PAX2: variants seen among roughly 807,000 people sequenced by gnomAD.
PAX2 encodes paired box 2, also known as paired box protein Pax-2.
PAX2 carries 9 observed loss-of-function variants against 41.7 expected under a neutral mutation model. The ratio of observed to expected loss-of-function variants is 0.22; its 90% confidence interval spans 0.13 to 0.38. The LOEUF (loss-of-function observed/expected upper bound fraction) is 0.38. Among genes scored for constraint, PAX2 ranks in the 10% least tolerant of loss-of-function variants. The pLI is 1.00. For synonymous variants in PAX2, 221 were observed against 212.7 expected, an observed-to-expected ratio of 1.04 and a Z score of -0.34; for missense variants, 418 against 531.6, an observed-to-expected ratio of 0.79 and a Z score of 2.10.
intron 1 of PAX2, among the ~76,000 whole-genome samples, chr10:100,737,151 G>C (rs1053764734): frequency 2.0e-5 from 3 of 151,988 alleles, no homozygotes; most frequent in African/African-American, 7.3e-5. Context: ...TTTTCCCTCC[G>C]GGCAGGCGCT....
intron 3 of PAX2, among the ~76,000 whole-genome samples, chr10:100,756,644 C>T (rs1339893760): frequency 6.6e-6 from 1 of 152,234 alleles, no homozygotes; most frequent in Admixed American, 6.5e-5. Flanking sequence ...GCATTTTCAG[C>T]TTACAATATT....
At chr10:100,736,208 TA>T (rs1844773261) in intron 1 of PAX2, among the ~76,000 whole-genome samples, 1 of 152,164 alleles carries the variant, frequency 6.6e-6, no homozygotes, top group Non-Finnish European at 1.5e-5. Flanking sequence ...TAGATGAGCC[TA>T]ACCTCTGTAG....
At chr10:100,817,109 C>A (rs1224436214) in intron 7 of PAX2, among the ~76,000 whole-genome samples, 1 of 152,128 alleles carries the variant, frequency 6.6e-6, no homozygotes, top group Non-Finnish European at 1.5e-5. Context: ...CATCTTTGAG[C>A]CTGGGCCCAA....
chr10:100,755,871 G>A (rs12260647), intron 3 of PAX2, among the ~76,000 whole-genome samples: 15,925 of 152,164 alleles, frequency 0.1, 2,576 homozygotes, highest in African/African-American at 0.34. Flanking sequence ...GGAAACAGGG[G>A]TGCCTGGAGT....
chr10:100,815,066 T>G (rs1848141887), intron 7 of PAX2, among the ~76,000 whole-genome samples: 1 of 152,188 alleles, frequency 6.6e-6, no homozygotes, highest in African/African-American at 2.4e-5. Context: ...AAGTGGCCTT[T>G]TAGCAGATAG....
At chr10:100,776,223 TCTC>T (rs1846382874) in intron 3 of PAX2, among the ~76,000 whole-genome samples, 1 of 152,184 alleles carries the variant, frequency 6.6e-6, no homozygotes, top group South Asian at 2.1e-4. Context: ...GAGGCAATAG[TCTC>T]CGTTTACTGC....
Position 100,827,287 on chromosome 10 carries a change from T to C in PAX2, c.1108+192T>C, listed in dbSNP as rs1484626210. 1.3e-5 allele frequency among the ~76,000 whole-genome samples: 2 copies of C among 152,016 alleles called. No homozygotes were observed. Among genetic ancestry groups the C allele is most frequent in the African/African-American group, 2.4e-5 (1 of 41,392 alleles). ...GCCCTCCCGTGCCCTCCCTGGTCGCTCGAAGGCTCTGCGCCGCCCTCGCCC... is the reference window on the plus strand; with the variant it reads ...GCCCTCCCGTGCCCTCCCTGGTCGCCCGAAGGCTCTGCGCCGCCCTCGCCC... On this transcript the variant is annotated intron_variant, in intron 9 of 9. Transcript: ENST00000355243. The surrounding 1 kb of genome is among the most constrained non-coding windows in gnomAD (Gnocchi z 8.5).
intron 3 of PAX2, among the ~76,000 whole-genome samples, chr10:100,758,896 A>G (rs1564711552): frequency 6.6e-6 from 1 of 152,224 alleles, no homozygotes; most frequent in African/African-American, 2.4e-5. Context: ...CTCCTGGGGA[A>G]GGCAGTGGAG....
rs1457700555 is a variant in PAX2, at chr10:100,826,984, T to C, written c.1022-25T>C. On this transcript the variant is annotated intron_variant, in intron 8 of 9. Transcript: ENST00000355243. The surrounding 1 kb of genome is among the most constrained non-coding windows in gnomAD (Gnocchi z 5.5). ...TCCGCCCTGGCTTGCAGGCGTCTGA[T>C]CCCCACTCCCCGACCCTCCCGCAGG... 6.4e-7 allele frequency: 1 copy of C among 1,560,074 alleles called. No individual in the cohort carries two copies. The highest frequency in any genetic ancestry group is 2.2e-5 in the East Asian group (1 of 44,576).
intron 5 of PAX2, among the ~76,000 whole-genome samples, chr10:100,802,172 C>T (rs936479655): frequency 6.6e-6 from 1 of 152,182 alleles, no homozygotes; most frequent in South Asian, 2.1e-4. Flanking sequence ...ATTTTCCAGC[C>T]CCAATCTAAA....
chr10:100,749,064 A>G, intron 1 of PAX2: 1 of 985,448 alleles, frequency 1.0e-6, no homozygotes, highest in African/African-American at 1.7e-5. Flanking sequence ...TACTTCAGAT[A>G]CTAAGGAGGT....
chr10:100,803,892 AT>A (rs1232008243), intron 5 of PAX2, among the ~76,000 whole-genome samples: 21 of 152,242 alleles, frequency 1.4e-4, no homozygotes, highest in Admixed American at 1.0e-3. Flanking sequence ...ATACAAAAAA[AT>A]AAATAAATAA....
intron 5 of PAX2, among the ~76,000 whole-genome samples, chr10:100,802,316 T>C (rs754743747): frequency 2.0e-5 from 3 of 152,198 alleles, no homozygotes; most frequent in Non-Finnish European, 2.9e-5. Context: ...GCCCCAGTCT[T>C]AAGCAGCCTC....
intron 6 of PAX2, among the ~76,000 whole-genome samples, chr10:100,807,832 C>T (rs1195049419): frequency 1.3e-5 from 2 of 152,238 alleles, no homozygotes; most frequent in African/African-American, 4.8e-5. Flanking sequence ...AGCCCCACAG[C>T]GTTGAACGCT....
chr10:100,764,701 C>T (rs758730223), intron 3 of PAX2, among the ~76,000 whole-genome samples: 6 of 150,662 alleles, frequency 4.0e-5, no homozygotes, highest in Non-Finnish European at 7.4e-5. Flanking sequence ...TGTGTGTGTA[C>T]TTTGTATAAC....
At chr10:100,788,925 C>T (rs1454627760) in intron 5 of PAX2, among the ~76,000 whole-genome samples, 4 of 151,980 alleles carry the variant, frequency 2.6e-5, no homozygotes, top group African/African-American at 7.3e-5. Context: ...CCCAGCCATC[C>T]GACTCTTTTG....
At chr10:100,766,968 AAC>A (rs1846051159) in intron 3 of PAX2, among the ~76,000 whole-genome samples, 1 of 152,222 alleles carries the variant, frequency 6.6e-6, no homozygotes, top group South Asian at 2.1e-4. Context: ...ACTGCCACCA[AAC>A]AATACTCAAA....
intron 7 of PAX2, among the ~76,000 whole-genome samples, chr10:100,818,492 A>G (rs1848263851): frequency 6.6e-6 from 1 of 152,212 alleles, no homozygotes; most frequent in African/African-American, 2.4e-5. Flanking sequence ...GGGCTCTTTC[A>G]CTTTTTTATA....
intron 7 of PAX2, among the ~76,000 whole-genome samples, chr10:100,809,518 C>T (rs563933830): frequency 1.3e-5 from 2 of 152,234 alleles, no homozygotes; most frequent in Non-Finnish European, 2.9e-5. Flanking sequence ...GTCTATTTCT[C>T]TTCCCTCTCC....
Sources: allele counts gnomAD v4.1 joint callset (sites outside exome capture counted in the v4.1 genomes callset), GRCh38; gene constraint gnomAD v4.1.1; non-coding constraint Gnocchi (gnomAD v3.1); transcripts MANE v1.5; gene names NCBI Gene and HGNC (gene_info 2026-07-23, HGNC 2026-07-21).